KSR2: variants seen among roughly 807,000 people sequenced by gnomAD.
The protein encoded by KSR2 is kinase suppressor of ras 2.
Under a neutral mutation model 107.8 loss-of-function variants are expected in KSR2, and 25 were observed. The ratio of observed to expected loss-of-function variants is 0.23; its 90% CI spans 0.17 to 0.32. The LOEUF (loss-of-function observed/expected upper bound fraction) is 0.32, where lower values mean the gene tolerates loss of function less well. Ranked by LOEUF, KSR2 falls within the 10% of genes least tolerant of loss-of-function variation. The pLI is 1.00. For synonymous variants in KSR2, 480 were observed against 507.0 expected (o/e 0.95, Z 0.71); for missense variants, 887 against 1,268.9 (o/e 0.70, Z 4.57).
intron 5 of KSR2, among the ~76,000 whole-genome samples, chr12:117,651,172 T>G (rs1227373038): frequency 6.6e-6 from 1 of 152,204 alleles, no homozygotes; most frequent in Non-Finnish European, 1.5e-5. Context: ...CCCCAACCCA[T>G]GCTGCCATCA....
At chr12:117,831,215 ATT>A (rs1043464310) in intron 3 of KSR2, among the ~76,000 whole-genome samples, 8 of 152,234 alleles carry the variant, frequency 5.3e-5, no homozygotes, top group African/African-American at 1.9e-4. Context: ...AGTTTGGATT[ATT>A]TTTTAGCTCT....
intron 1 of KSR2, among the ~76,000 whole-genome samples, chr12:117,947,205 AAAAGAAAG>A (rs773449400): frequency 0.015 from 1,017 of 69,244 alleles, 13 homozygotes; most frequent in South Asian, 0.02. Flanking sequence ...GAAAAGAAAG[AAAAGAAAG>A]AAAGAAAGAA....
At chr12:117,563,204 T>G (rs1375438208) in intron 7 of KSR2, among the ~76,000 whole-genome samples, 3 of 152,164 alleles carry the variant, frequency 2.0e-5, no homozygotes, top group Non-Finnish European at 2.9e-5. Context: ...GGCCTCACTC[T>G]CCAAGGTCCT....
At chr12:117,924,569 T>A (rs1895447528) in intron 1 of KSR2, among the ~76,000 whole-genome samples, 2 of 70,328 alleles carry the variant, frequency 2.8e-5, no homozygotes, top group East Asian at 5.0e-4. Context: ...TGAAGCTCCA[T>A]CTCAAAAAAA....
At chr12:117,724,363 A>C (rs1314149604) in intron 4 of KSR2, among the ~76,000 whole-genome samples, 2 of 152,074 alleles carry the variant, frequency 1.3e-5, no homozygotes, top group African/African-American at 4.8e-5. Context: ...AACTATACCT[A>C]AAAATAAGTA....
intron 1 of KSR2, among the ~76,000 whole-genome samples, chr12:117,902,785 T>A (rs1179039991): frequency 6.6e-6 from 1 of 152,196 alleles, no homozygotes; most frequent in Admixed American, 6.5e-5. Flanking sequence ...AAAACATTTC[T>A]TTCTCCAAAA....
intron 12 of KSR2, among the ~76,000 whole-genome samples, chr12:117,529,344 T>C (rs1875445536): frequency 6.6e-6 from 1 of 152,278 alleles, no homozygotes; most frequent in Non-Finnish European, 1.5e-5. Flanking sequence ...GCCTCCCAAG[T>C]AGCTGCGATT....
chr12:117,779,665 T>C (rs991560747), intron 3 of KSR2, among the ~76,000 whole-genome samples: 9 of 152,268 alleles, frequency 5.9e-5, no homozygotes, highest in African/African-American at 1.2e-4. Flanking sequence ...TCTCATGAGA[T>C]CTGATGCTTT....
At chr12:117,784,967 C>T (rs80168497) in intron 3 of KSR2, among the ~76,000 whole-genome samples, 5,766 of 152,278 alleles carry the variant, frequency 0.038, 216 homozygotes, top group African/African-American at 0.093. Context: ...AGACTACTGA[C>T]TGCTTAAGAA....
chr12:117,935,428 T>C (rs958865253), intron 1 of KSR2, among the ~76,000 whole-genome samples: 1 of 152,274 alleles, frequency 6.6e-6, no homozygotes, highest in South Asian at 2.1e-4. Context: ...CCCTCCAATG[T>C]GTTCATTTCA....
chr12:117,619,061 G>T (rs1882029876), intron 5 of KSR2, among the ~76,000 whole-genome samples: 1 of 152,070 alleles, frequency 6.6e-6, no homozygotes, highest in Middle Eastern at 3.2e-3. Flanking sequence ...CAGATCCAAA[G>T]ATAACTCCCA....
At chr12:117,537,032 G>A (rs183994549) in intron 10 of KSR2, among the ~76,000 whole-genome samples, 1 of 152,186 alleles carries the variant, frequency 6.6e-6, no homozygotes, top group African/African-American at 2.4e-5. Context: ...CACCAATATG[G>A]TGAAACCCTG....
intron 1 of KSR2, among the ~76,000 whole-genome samples, chr12:117,938,115 G>A (rs948051382): frequency 5.3e-5 from 8 of 151,606 alleles, no homozygotes; most frequent in South Asian, 2.1e-4. Flanking sequence ...CCCTTTCCTC[G>A]TCTCTAGCTA....
Position 117,458,872 on chromosome 12 carries a change from T to A in KSR2, c.*8327A>T, listed in dbSNP as rs1870757278. 6.6e-6 allele frequency: 1 copy of A among 152,160 alleles called. No individual in the cohort carries two copies. Among genetic ancestry groups the A allele is most frequent in the South Asian group, 2.1e-4 (1 of 4,820 alleles). 9.4% of individuals were successfully genotyped at this position (152,160 alleles called of 1,614,324 possible). ...GGAGTCAGGCTCCTTTTCCTGCCCT[T>A]TATATGCAGCACCCCCTGACTTCCC... On this transcript the variant is annotated 3_prime_UTR_variant, in exon 20 of 20. Transcript: ENST00000339824.
chr12:117,824,570 T>A (rs529497), intron 3 of KSR2, among the ~76,000 whole-genome samples: 79,733 of 151,650 alleles, frequency 0.53, 21,201 homozygotes, highest in Admixed American at 0.64. Flanking sequence ...TTTAAAAAAA[T>A]TTTAGGCCGG....
At chr12:117,511,734 T>G (rs1874035091) in intron 14 of KSR2, among the ~76,000 whole-genome samples, 1 of 152,136 alleles carries the variant, frequency 6.6e-6, no homozygotes, top group Non-Finnish European at 1.5e-5. Context: ...ATATGAAAAA[T>G]GATTCGCCCA....
At chr12:117,847,269 T>A (rs1353094213) in intron 3 of KSR2, among the ~76,000 whole-genome samples, 3 of 152,234 alleles carry the variant, frequency 2.0e-5, no homozygotes, top group Non-Finnish European at 4.4e-5. Context: ...AGGAAGACCG[T>A]ACGGTGGCAG....
intron 3 of KSR2, among the ~76,000 whole-genome samples, chr12:117,848,596 G>A (rs958360859): frequency 6.6e-6 from 1 of 152,234 alleles, no homozygotes; most frequent in Non-Finnish European, 1.5e-5. Context: ...GAGGGAGACC[G>A]TGGCTCAGAG....
At chr12:117,730,634 G>C (rs946024930) in intron 4 of KSR2, among the ~76,000 whole-genome samples, 3 of 152,030 alleles carry the variant, frequency 2.0e-5, no homozygotes, top group African/African-American at 4.8e-5. Context: ...TCAGCCTGCC[G>C]AGTGCCTGGG....
Sources: allele counts gnomAD v4.1 joint callset (sites outside exome capture counted in the v4.1 genomes callset), GRCh38; gene constraint gnomAD v4.1.1; transcripts MANE v1.5; gene names NCBI Gene and HGNC (gene_info 2026-07-23, HGNC 2026-07-21).